Variants in NCAM2 observed in about 807,000 individuals in gnomAD.
NCAM2 encodes the protein neural cell adhesion molecule 2.
A neutral mutation model predicts 98.1 loss-of-function variants in NCAM2; 30 were observed. The ratio of observed to expected loss-of-function variants is 0.31; its 90% CI spans 0.23 to 0.41. The LOEUF is 0.41. Ranked by LOEUF, NCAM2 falls within the 10% of genes least tolerant of loss-of-function variation. The pLI is 1.00. For missense variants in NCAM2, 867 were observed against 1,005.8 expected, an observed-to-expected ratio of 0.86 and a Z score of 1.87; for synonymous variants, 368 against 342.4, an observed-to-expected ratio of 1.07 and a Z score of -0.83.
At chr21:21,532,016 A>T (rs1989732418) in intron 16 of NCAM2, among the ~76,000 whole-genome samples, 1 of 151,730 alleles carries the variant, frequency 6.6e-6, no homozygotes. Flanking sequence ...AATATTATAT[A>T]TATATCTTAC....
intron 1 of NCAM2, among the ~76,000 whole-genome samples, chr21:21,246,988 C>G (rs2071294699): frequency 6.6e-6 from 1 of 150,878 alleles, no homozygotes; most frequent in African/African-American, 2.4e-5. Flanking sequence ...TCCCATTGCA[C>G]TGTCTCTGTA....
rs533584654 is a variant in NCAM2, at chr21:21,085,107, A to G, written c.55+86489A>G. Among the ~76,000 whole-genome samples the G allele has an allele frequency of 1.0e-3, 158 of 152,294 alleles. 1 individual carries two copies. The highest frequency in any genetic ancestry group is 3.6e-3 in the African/African-American group (148 of 41,560). On this transcript the variant is annotated intron_variant, in intron 1 of 17. Coordinates refer to ENST00000400546, the MANE Select transcript of NCAM2 (RefSeq NM_004540.5). ...GAAATTGAATCTCTTTATTCAAAAT[A>G]TACTTGATTAAGTTAAAGCCTGTAC... is the stretch of plus-strand genomic sequence containing the variant.
chr21:21,391,595 T>G (rs2076381485), intron 9 of NCAM2, among the ~76,000 whole-genome samples: 1 of 152,208 alleles, frequency 6.6e-6, no homozygotes, highest in Non-Finnish European at 1.5e-5. Context: ...ATTAGTGTAT[T>G]TATTCACATA....
chr21:21,502,984 G>T (rs1169229446), intron 15 of NCAM2, among the ~76,000 whole-genome samples: 1 of 152,048 alleles, frequency 6.6e-6, no homozygotes, highest in East Asian at 1.9e-4. Context: ...CTAGTTTTAT[G>T]AATCTAATAG....
intron 1 of NCAM2, among the ~76,000 whole-genome samples, chr21:21,272,370 A>G (rs1297336130): frequency 6.6e-6 from 1 of 152,196 alleles, no homozygotes; most frequent in African/African-American, 2.4e-5. Context: ...TCTGGAAGTT[A>G]CTTAAATATG....
intron 9 of NCAM2, among the ~76,000 whole-genome samples, chr21:21,404,379 G>A (rs980779775): frequency 1.3e-5 from 2 of 152,062 alleles, no homozygotes; most frequent in Non-Finnish European, 2.9e-5. Flanking sequence ...GAATCACAGG[G>A]TAGTGAATAA....
At chr21:21,471,998 C>T (rs1368292870) in intron 14 of NCAM2, among the ~76,000 whole-genome samples, 2 of 151,966 alleles carry the variant, frequency 1.3e-5, no homozygotes, top group East Asian at 3.9e-4. Context: ...ACATATTAAT[C>T]TCATGAAATG....
chr21:21,336,790 A>G (rs749716710), intron 7 of NCAM2, among the ~76,000 whole-genome samples: 15 of 152,226 alleles, frequency 9.9e-5, no homozygotes, highest in Non-Finnish European at 1.9e-4. Flanking sequence ...TAAAAAATAC[A>G]ATTTTAAAAG....
At chr21:21,076,737 T>C (rs2065688896) in intron 1 of NCAM2, among the ~76,000 whole-genome samples, 1 of 152,026 alleles carries the variant, frequency 6.6e-6, no homozygotes, top group Admixed American at 6.5e-5. Context: ...GTAATCGGCT[T>C]TTTAAAAAAA....
rs1422289957 is a variant in NCAM2 at position 21,170,832 on chromosome 21, A to G, written c.56-109746A>G. On this transcript the variant is annotated intron_variant, in intron 1 of 17. Transcript: ENST00000400546. ...CATCACTGTGGCATAGGGTGTTCCT[A>G]GAGGGGGGAAGGCTGTGCTTGGTGT... is the stretch of plus-strand genomic sequence containing the variant. 4.7e-5 allele frequency among the ~76,000 whole-genome samples: 6 copies of G among 129,026 alleles called. No individual in the cohort carries two copies. In the East Asian group the frequency reaches 1.4e-3, roughly 30 times the overall value. The allele number at this position is 129,026 out of a possible 152,430, so 84.6% of individuals were successfully genotyped here.
At chr21:21,301,765 G>GA (rs890411110) in intron 5 of NCAM2, among the ~76,000 whole-genome samples, 8 of 151,074 alleles carry the variant, frequency 5.3e-5, no homozygotes, top group African/African-American at 1.5e-4. Flanking sequence ...AAATTTACAA[G>GA]AAAAAAACAA....
chr21:21,319,380 C>T (rs963114036), intron 5 of NCAM2, among the ~76,000 whole-genome samples: 1 of 152,206 alleles, frequency 6.6e-6, no homozygotes, highest in Non-Finnish European at 1.5e-5. Context: ...CAGTGGCTCA[C>T]GCCTGTAATC....
intron 5 of NCAM2, among the ~76,000 whole-genome samples, chr21:21,300,283 T>C (rs1048515604): frequency 3.9e-5 from 6 of 152,004 alleles, no homozygotes; most frequent in Admixed American, 3.9e-4. Context: ...ATGTTCACCT[T>C]GAACCACGAA....
chr21:21,520,404 G>A (rs1988949358), intron 16 of NCAM2, among the ~76,000 whole-genome samples: 1 of 152,168 alleles, frequency 6.6e-6, no homozygotes, highest in Admixed American at 6.6e-5. Context: ...ACTAGCTCGT[G>A]TGTGTCTGGT....
intron 9 of NCAM2, among the ~76,000 whole-genome samples, chr21:21,402,021 C>T (rs551150870): frequency 6.6e-6 from 1 of 152,136 alleles, no homozygotes; most frequent in Non-Finnish European, 1.5e-5. Context: ...TAAGTCACCT[C>T]AGGACCCTGT....
At chr21:21,164,137 T>C (rs1200334432) in intron 1 of NCAM2, among the ~76,000 whole-genome samples, 2 of 152,186 alleles carry the variant, frequency 1.3e-5, no homozygotes, top group Non-Finnish European at 2.9e-5. Flanking sequence ...ATGGCTGCAG[T>C]AGCATCCCTG....
At chr21:21,476,557 T>A (rs1985193315) in intron 14 of NCAM2, among the ~76,000 whole-genome samples, 1 of 152,156 alleles carries the variant, frequency 6.6e-6, no homozygotes, top group South Asian at 2.1e-4. Flanking sequence ...TAATTTATAA[T>A]TGTATCAATT....
In NCAM2 at chr21:21,031,125, G is replaced by A. The variant is rs920701215; in HGVS notation, c.55+32507G>A. 2.0e-5 allele frequency among the ~76,000 whole-genome samples: 3 copies of A among 151,942 alleles called. No homozygotes were observed. The East Asian group carries it at 5.8e-4, about 29-fold the overall frequency. ...TTCCTTTTGATTTTTAAATAATCTT[G>A]GAGTTAATAGAACTGGAGGCTCTTA... On this transcript the variant is annotated intron_variant, in intron 1 of 17. Coordinates refer to ENST00000400546, the MANE Select transcript of NCAM2 (RefSeq NM_004540.5).
At chr21:21,164,943 A>G (rs1291958718) in intron 1 of NCAM2, among the ~76,000 whole-genome samples, 2 of 152,200 alleles carry the variant, frequency 1.3e-5, no homozygotes, top group Admixed American at 1.3e-4. Context: ...AACTACAAAA[A>G]TTGATTGAAT....
Sources: allele counts gnomAD v4.1 joint callset (sites outside exome capture counted in the v4.1 genomes callset), GRCh38; gene constraint gnomAD v4.1.1; transcripts MANE v1.5; gene names NCBI Gene and HGNC (gene_info 2026-07-23, HGNC 2026-07-21).